ASIC2: variants seen among roughly 807,000 people sequenced by gnomAD.
ASIC2 encodes acid-sensing ion channel 2.
A neutral mutation model predicts 57.3 loss-of-function variants in ASIC2; 25 were observed. That is an observed-to-expected ratio of 0.44 (90% confidence interval 0.32 to 0.61). ASIC2 has a LOEUF of 0.61. ASIC2 is among the 20% of genes least tolerant of loss of function. The pLI is 0.06. For missense variants in ASIC2, 641 were observed against 738.1 expected (o/e 0.87, Z 1.52); for synonymous variants, 319 against 307.5 (o/e 1.04, Z -0.39).
chr17:33,478,868 G>A (rs1378529124), intron 1 of ASIC2, among the ~76,000 whole-genome samples: 1 of 152,146 alleles, frequency 6.6e-6, no homozygotes, highest in African/African-American at 2.4e-5. Flanking sequence ...TCTTTTGAAA[G>A]TTATTCTCGA....
chr17:33,877,510 C>T (rs1206179899), intron 1 of ASIC2, among the ~76,000 whole-genome samples: 2 of 152,212 alleles, frequency 1.3e-5, no homozygotes, highest in African/African-American at 4.8e-5. Flanking sequence ...CCCATGCAGC[C>T]TCGCTCATTG....
chr17:33,744,544 A>C (rs1910204511), intron 1 of ASIC2, among the ~76,000 whole-genome samples: 1 of 152,238 alleles, frequency 6.6e-6, no homozygotes, highest in East Asian at 1.9e-4. Context: ...AAAACAAATA[A>C]ATAATAAAAC....
intron 1 of ASIC2, among the ~76,000 whole-genome samples, chr17:33,463,474 C>T (rs1394345545): frequency 6.6e-6 from 1 of 152,228 alleles, no homozygotes; most frequent in African/African-American, 2.4e-5. Flanking sequence ...CTTCACTACC[C>T]TCCAATATTT....
chr17:33,875,636 C>T (rs988969674), intron 1 of ASIC2, among the ~76,000 whole-genome samples: 7 of 152,178 alleles, frequency 4.6e-5, no homozygotes, highest in Admixed American at 1.3e-4. Flanking sequence ...CATTTTCTTG[C>T]TCCTCTCCTT....
At chr17:33,446,811 G>A (rs1176485597) in intron 1 of ASIC2, among the ~76,000 whole-genome samples, 40 of 152,172 alleles carry the variant, frequency 2.6e-4, no homozygotes, top group Non-Finnish European at 2.9e-5. Flanking sequence ...CAAATCAGTA[G>A]ACCTGTGTCA....
intron 3 of ASIC2, among the ~76,000 whole-genome samples, chr17:33,059,066 A>C (rs1301527773): frequency 6.6e-6 from 1 of 151,842 alleles, no homozygotes; most frequent in African/African-American, 2.4e-5. Context: ...CTCTAAAAAA[A>C]CCAAAAACCA....
chr17:33,602,138 C>T (rs1007682988), intron 1 of ASIC2, among the ~76,000 whole-genome samples: 5 of 152,106 alleles, frequency 3.3e-5, no homozygotes, highest in Admixed American at 2.0e-4. Flanking sequence ...TTTGGACTTT[C>T]GAGTTGATGC....
At chr17:33,417,817 A>T (rs1910902323) in intron 1 of ASIC2, among the ~76,000 whole-genome samples, 1 of 152,156 alleles carries the variant, frequency 6.6e-6, no homozygotes, top group Non-Finnish European at 1.5e-5. Flanking sequence ...CTGTGGGTGA[A>T]GAGTCCACAA....
intron 2 of ASIC2, among the ~76,000 whole-genome samples, chr17:33,098,386 C>T (rs1242771009): frequency 1.3e-5 from 2 of 152,132 alleles, no homozygotes; most frequent in Admixed American, 1.3e-4. Context: ...AGGGCAGCAT[C>T]TCTAGCTAAG....
chr17:33,285,194 GC>G (rs1167400225), intron 1 of ASIC2, among the ~76,000 whole-genome samples: 1 of 152,180 alleles, frequency 6.6e-6, no homozygotes, highest in African/African-American at 2.4e-5. Flanking sequence ...GGCCAAAGTG[GC>G]CCCAAAATAG....
chr17:34,155,986 A>C (rs199695127), exon 1 of ASIC2: 1 of 1,605,506 alleles, frequency 6.2e-7, no homozygotes, highest in East Asian at 2.2e-5. Context: ...ACTGTGGTGA[A>C]GTCTTGGTGG....
At chr17:33,622,325 C>T (rs1034907758) in intron 1 of ASIC2, among the ~76,000 whole-genome samples, 3 of 151,924 alleles carry the variant, frequency 2.0e-5, no homozygotes, top group African/African-American at 7.3e-5. Context: ...AAACTTCTGT[C>T]GGGACTAGGC....
intron 1 of ASIC2, among the ~76,000 whole-genome samples, chr17:33,861,197 A>C (rs1482461110): frequency 6.6e-6 from 1 of 152,262 alleles, no homozygotes; most frequent in Admixed American, 6.5e-5. Flanking sequence ...TTCAATAATA[A>C]AGGAGCATAT....
chr17:33,254,300 T>C (rs898476602), intron 1 of ASIC2, among the ~76,000 whole-genome samples: 1 of 152,232 alleles, frequency 6.6e-6, no homozygotes, highest in Non-Finnish European at 1.5e-5. Context: ...GTGCCTCCCC[T>C]GTCCCTGTCC....
chr17:33,119,953 A>C (rs1020698474), intron 1 of ASIC2, among the ~76,000 whole-genome samples: 9 of 152,196 alleles, frequency 5.9e-5, no homozygotes, highest in Non-Finnish European at 1.0e-4. Context: ...ATGAGTGGGC[A>C]CTGTGCTGAT....
chr17:33,551,876 C>G (rs531514487), intron 1 of ASIC2, among the ~76,000 whole-genome samples: 41 of 152,300 alleles, frequency 2.7e-4, no homozygotes, highest in African/African-American at 9.1e-4. Context: ...ACATCCCTCC[C>G]CAAACCAGCT....
At chr17:33,470,777 A>C (rs1913023327) in intron 1 of ASIC2, among the ~76,000 whole-genome samples, 1 of 152,218 alleles carries the variant, frequency 6.6e-6, no homozygotes, top group African/African-American at 2.4e-5. Flanking sequence ...CTGCCCATAC[A>C]GGTGAAATAA....
chr17:33,168,733 A>G (rs1392117470), intron 1 of ASIC2, among the ~76,000 whole-genome samples: 3 of 152,338 alleles, frequency 2.0e-5, no homozygotes, highest in African/African-American at 7.2e-5. Flanking sequence ...TTTAACCACA[A>G]ATAGTAAGAC....
At chr17:33,337,436 G>A (rs913072120) in intron 1 of ASIC2, among the ~76,000 whole-genome samples, 2 of 4,266 alleles carry the variant, frequency 4.7e-4, no homozygotes, top group African/African-American at 8.4e-4. Flanking sequence ...TAACCTTGCG[G>A]TGGTCTGAAT....
Sources: allele counts gnomAD v4.1 joint callset (sites outside exome capture counted in the v4.1 genomes callset), GRCh38; gene constraint gnomAD v4.1.1; transcripts MANE v1.5; gene names NCBI Gene and HGNC (gene_info 2026-07-23, HGNC 2026-07-21).